The following FUT8 variants were observed in gnomAD, a reference collection of about 807,000 sequenced individuals.
FUT8 encodes the protein fucosyltransferase 8.
Under a neutral mutation model 71.3 loss-of-function variants are expected in FUT8, and 29 were observed. That is an observed-to-expected ratio of 0.41 (90% CI 0.30 to 0.55). The LOEUF (loss-of-function observed/expected upper bound fraction) is 0.55. Ranked by LOEUF, FUT8 falls within the 20% of genes least tolerant of loss-of-function variation. The probability of loss-of-function intolerance (pLI) is 0.34; values close to 1 mark genes in which losing one functional copy is unlikely to be tolerated. For synonymous variants in FUT8, 254 were observed against 239.3 expected, an observed-to-expected ratio of 1.06 and a Z score of -0.57; for missense variants, 544 against 702.1, an observed-to-expected ratio of 0.77 and a Z score of 2.55.
intron 2 of FUT8, among the ~76,000 whole-genome samples, chr14:65,477,907 T>A (rs1163200190): frequency 1.3e-5 from 2 of 151,812 alleles, no homozygotes; most frequent in Non-Finnish European, 2.9e-5. Context: ...GTAAAAAGCA[T>A]CATGGTTTAA....
the FUT8 span, among the ~76,000 whole-genome samples, chr14:65,400,555 C>T: frequency 6.6e-6 from 1 of 152,152 alleles, no homozygotes; most frequent in Non-Finnish European, 1.5e-5. Flanking sequence ...ATAGCATTAG[C>T]TTTTGATAAA....
At chr14:65,366,266 T>C in the FUT8 span, among the ~76,000 whole-genome samples, 1 of 152,142 alleles carries the variant, frequency 6.6e-6, no homozygotes, top group Non-Finnish European at 1.5e-5. Flanking sequence ...AATGAGACAC[T>C]GTAATGTTGT....
chr14:65,425,245 A>C (rs2065365368), intron 1 of FUT8, among the ~76,000 whole-genome samples: 1 of 151,066 alleles, frequency 6.6e-6, no homozygotes, highest in Non-Finnish European at 1.5e-5. Context: ...GGCTCACCAC[A>C]ACCTCCACCT....
intron 2 of FUT8, among the ~76,000 whole-genome samples, chr14:65,495,829 T>A (rs1411105652): frequency 6.6e-6 from 1 of 152,154 alleles, no homozygotes; most frequent in Non-Finnish European, 1.5e-5. Flanking sequence ...AAGGAGGTAT[T>A]TTGGAAACCA....
At chr14:65,555,037 T>C (rs1212646000) in intron 2 of FUT8, among the ~76,000 whole-genome samples, 6 of 152,170 alleles carry the variant, frequency 3.9e-5, no homozygotes, top group Non-Finnish European at 8.8e-5. Context: ...CAGTAGACTT[T>C]GGTTTATGAG....
At chr14:65,423,975 C>G (rs1208791131) in intron 1 of FUT8, among the ~76,000 whole-genome samples, 2 of 152,210 alleles carry the variant, frequency 1.3e-5, no homozygotes, top group African/African-American at 4.8e-5. Context: ...TAGCACGCAA[C>G]TGCAGCTGCA....
At chr14:65,630,645 G>A (rs1890136479) in intron 6 of FUT8, among the ~76,000 whole-genome samples, 1 of 152,094 alleles carries the variant, frequency 6.6e-6, no homozygotes, top group South Asian at 2.1e-4. Flanking sequence ...AGTTTGCTTT[G>A]GAAGTGAAGA....
the FUT8 span, among the ~76,000 whole-genome samples, chr14:65,363,428 T>TA: frequency 6.6e-6 from 1 of 152,058 alleles, no homozygotes; most frequent in Non-Finnish European, 1.5e-5. Flanking sequence ...GCCTAATTTT[T>TA]GCATTTTTAG....
intron 2 of FUT8, among the ~76,000 whole-genome samples, chr14:65,525,241 G>T (rs1883370246): frequency 6.6e-6 from 1 of 152,128 alleles, no homozygotes. Context: ...CAATTTCAGA[G>T]CCTGTGATTG....
chr14:65,575,526 C>T (rs1276104375), intron 3 of FUT8, among the ~76,000 whole-genome samples: 1 of 151,716 alleles, frequency 6.6e-6, no homozygotes, highest in Non-Finnish European at 1.5e-5. Flanking sequence ...AAGTTGGTTA[C>T]CTCTGTTCAC....
At chr14:65,499,189 A>G (rs1418741743) in intron 2 of FUT8, among the ~76,000 whole-genome samples, 5 of 152,204 alleles carry the variant, frequency 3.3e-5, no homozygotes, top group South Asian at 2.1e-4. Flanking sequence ...TGCTGGGACT[A>G]CAGACACACA....
At chr14:65,359,906 A>G in the FUT8 span, among the ~76,000 whole-genome samples, 2 of 151,954 alleles carry the variant, frequency 1.3e-5, no homozygotes, top group African/African-American at 2.4e-5. Flanking sequence ...GCTCATCGCA[A>G]TCTCCGCCTC....
intron 6 of FUT8, among the ~76,000 whole-genome samples, chr14:65,630,260 A>G (rs1180456586): frequency 6.6e-6 from 1 of 152,224 alleles, no homozygotes; most frequent in African/African-American, 2.4e-5. Context: ...TTTGTTTTAT[A>G]AATGTTATTA....
intron 6 of FUT8, among the ~76,000 whole-genome samples, chr14:65,632,479 A>C (rs1377840205): frequency 6.6e-6 from 1 of 152,036 alleles, no homozygotes; most frequent in East Asian, 1.9e-4. Flanking sequence ...ATCATTAGTG[A>C]TGTTGAGCAT....
At chr14:65,726,542 C>T (rs932342384) in intron 9 of FUT8, among the ~76,000 whole-genome samples, 5 of 152,276 alleles carry the variant, frequency 3.3e-5, no homozygotes, top group East Asian at 1.9e-4. Flanking sequence ...TGAGACTATT[C>T]GCTATCACGA....
chr14:65,698,083 A>G (rs1283607228), intron 7 of FUT8, among the ~76,000 whole-genome samples: 1 of 152,212 alleles, frequency 6.6e-6, no homozygotes, highest in African/African-American at 2.4e-5. Flanking sequence ...GAAATATTCC[A>G]AGTGAGATTC....
chr14:65,703,034 T>G (rs1171924025), intron 7 of FUT8, among the ~76,000 whole-genome samples: 1 of 152,228 alleles, frequency 6.6e-6, no homozygotes, highest in Non-Finnish European at 1.5e-5. Context: ...CGTTAGCCAC[T>G]GCGCCCGGCC....
intron 3 of FUT8, among the ~76,000 whole-genome samples, chr14:65,613,274 A>G (rs1293884263): frequency 3.9e-5 from 6 of 152,192 alleles, no homozygotes; most frequent in Non-Finnish European, 7.4e-5. Flanking sequence ...TCTATCACTA[A>G]CATATGTTCT....
intron 6 of FUT8, among the ~76,000 whole-genome samples, chr14:65,644,110 A>G (rs1007499405): frequency 1.3e-5 from 2 of 152,168 alleles, no homozygotes; most frequent in Non-Finnish European, 2.9e-5. Flanking sequence ...TATGAGTTCC[A>G]GCGAAGCAAG....
Sources: allele counts gnomAD v4.1 joint callset (sites outside exome capture counted in the v4.1 genomes callset), GRCh38; gene constraint gnomAD v4.1.1; transcripts MANE v1.5; gene names NCBI Gene and HGNC (gene_info 2026-07-23, HGNC 2026-07-21).